The following PZP variants were observed in gnomAD, a reference collection of about 807,000 sequenced individuals.
The protein encoded by PZP is PZP alpha-2-macroglobulin like.
Under a neutral mutation model 179.8 loss-of-function variants are expected in PZP, and 150 were observed. The observed-to-expected ratio is 0.83, with a 90% CI of 0.73 to 0.96. The LOEUF is 0.96. PZP is among the 40% of genes least tolerant of loss of function. The pLI is 0.00. For synonymous variants in PZP, 624 were observed against 652.3 expected (o/e 0.96, Z 0.66); for missense variants, 1,689 against 1,764.0 (o/e 0.96, Z 0.76).
chr12:9,178,611 A>G (rs1038630679), intron 15 of PZP, among the ~76,000 whole-genome samples: 6 of 152,230 alleles, frequency 3.9e-5, no homozygotes, highest in African/African-American at 1.4e-4. Context: ...AGAAGGAAAA[A>G]GAAAATCATG....
In PZP at chr12:9,203,858, T is replaced by TA. The variant is rs754345878; in HGVS notation, c.176dup (p.Ser60LysfsTer16). On this transcript the variant is annotated frameshift_variant, in exon 2 of 36. Coordinates refer to ENST00000261336, the MANE Select transcript of PZP (RefSeq NM_002864.3). LOFTEE classifies it high-confidence loss of function. ...CCCTGCCAGACTCCAAGGAAGCACT[T>TA]ACAGTCACTGTCTCATTCAGGTGGC... 2.4e-5 allele frequency: 38 copies of TA among 1,613,986 alleles called. No individual in the cohort carries two copies. The African/African-American group carries it at 5.1e-4, about 22-fold the overall frequency.
chr12:9,168,780 A>G (rs747679761), intron 17 of PZP, 89 bp downstream of exon 17: 2 of 967,146 alleles, frequency 2.1e-6, no homozygotes, highest in South Asian at 2.9e-5. Flanking sequence ...TATAAAGTGG[A>G]AATAGGGCTA....
the PZP span, among the ~76,000 whole-genome samples, chr12:9,142,867 G>A: frequency 6.6e-6 from 1 of 152,174 alleles, no homozygotes; most frequent in African/African-American, 2.4e-5. Flanking sequence ...TTCCCCAAAT[G>A]GGATTTGTGG....
chr12:9,200,313 C>G, intron 7 of PZP, 51 bp downstream of exon 7: 1 of 1,366,906 alleles, frequency 7.3e-7, no homozygotes, highest in Non-Finnish European at 1.0e-6. Flanking sequence ...TACATAATCC[C>G]TCAAAATTGA....
intron 21 of PZP, among the ~76,000 whole-genome samples, chr12:9,162,976 T>C (rs1175993156): frequency 6.6e-6 from 1 of 152,180 alleles, no homozygotes; most frequent in Non-Finnish European, 1.5e-5. Context: ...CTCGCCTCCA[T>C]GTGTCTATGT....
chr12:9,181,257 A>G lies in PZP; in HGVS notation c.1690-125T>C, dbSNP rs1942742375. ...ACTATGTTGGTAATGTCAGTCAGAAACCTATTTTTACAACTTTCCTTCACT... is the reference window on the plus strand; with the variant it reads ...ACTATGTTGGTAATGTCAGTCAGAAGCCTATTTTTACAACTTTCCTTCACT... On this transcript the variant is annotated intron_variant, in intron 14 of 35. Transcript: ENST00000261336. 5 of 1,212,376 alleles carry G rather than the reference A, an allele frequency of 4.1e-6. No homozygotes were observed. The South Asian group carries it at 7.4e-5, about 18-fold the overall frequency. 75.1% of individuals were successfully genotyped at this position (1,212,376 alleles called of 1,614,324 possible). A position where few individuals can be genotyped will look rare whatever the true frequency, so the allele number is the denominator to read the frequency against.
chr12:9,164,353 A>G (rs1941434265), intron 19 of PZP, 94 bp from the exon 20 acceptor site: 1 of 1,379,754 alleles, frequency 7.2e-7, no homozygotes, highest in Non-Finnish European at 9.9e-7. Context: ...GCTGCAGTAA[A>G]TTGGGATTTG....
rs1000489480 is a variant in PZP at position 9,160,970 on chromosome 12, C to T, written c.2872+63G>A. ...GAACTTGATAATTCAAATACAAATA[C>T]GTAGATAAGATGTACAGTGGCAACT... On this transcript the variant is annotated intron_variant, in intron 23 of 35. Coordinates refer to ENST00000261336, the MANE Select transcript of PZP (RefSeq NM_002864.3). 5.5e-6 allele frequency: 7 copies of T among 1,275,036 alleles called. No homozygotes were observed. The African/African-American group carries it at 7.4e-5, about 13-fold the overall frequency. The allele number at this position is 1,275,036 out of a possible 1,614,324, so 79.0% of individuals were successfully genotyped here.
chr12:9,148,426 G>A (rs144915513), downstream of PZP, among the ~76,000 whole-genome samples: 20 of 152,140 alleles, frequency 1.3e-4, no homozygotes, highest in African/African-American at 4.6e-4. Flanking sequence ...ATCCATGTTT[G>A]TAGATGGTTT....
the PZP span, among the ~76,000 whole-genome samples, chr12:9,143,220 G>T: frequency 6.6e-6 from 1 of 152,194 alleles, no homozygotes; most frequent in Non-Finnish European, 1.5e-5. Flanking sequence ...AAGATCCAAG[G>T]TGCTGTTTAA....
At chr12:9,203,717 C>G (rs1293862878) in intron 2 of PZP, 51 bp downstream of exon 2, 1 of 1,596,304 alleles carries the variant, frequency 6.3e-7, no homozygotes, top group Non-Finnish European at 8.6e-7. Context: ...ACCTATAGAG[C>G]TCAATAAAAT....
At chr12:9,169,015 T>C (rs1340528494) in intron 16 of PZP, 41 bp from the exon 17 acceptor site, 1 of 1,391,058 alleles carries the variant, frequency 7.2e-7, no homozygotes, top group East Asian at 2.3e-5. Context: ...TAAGCTTGAT[T>C]AGAATATATA....
intron 21 of PZP, 61 bp from the exon 22 acceptor site, chr12:9,162,709 A>C: frequency 7.7e-7 from 1 of 1,297,634 alleles, no homozygotes; most frequent in Non-Finnish European, 1.1e-6. Flanking sequence ...AGAGAACCAC[A>C]TGGATTCCTT....
At chr12:9,177,440 C>T in intron 15 of PZP, among the ~76,000 whole-genome samples, 1 of 152,190 alleles carries the variant, frequency 6.6e-6, no homozygotes. Flanking sequence ...CAGGGCAGGT[C>T]ACAAGCTAGA....
the PZP span, among the ~76,000 whole-genome samples, chr12:9,136,722 G>A: frequency 1.3e-5 from 2 of 151,942 alleles, no homozygotes; most frequent in East Asian, 3.9e-4. Context: ...TAGGCATCCT[G>A]ACATGTGTGA....
Position 9,192,536 on chromosome 12 carries a change from T to C in PZP, c.1458A>G (p.Leu486=), listed in dbSNP as rs371909490. The change falls in exon 12 of 36, where the codon TTA becomes TTG. Residue 486 remains leucine (L), a synonymous_variant. Transcript: ENST00000261336. ...CCAGGTAATGGAAACTGAGCTCCGA[T>C]AACTCTCCCATGGCCTGTCTATTCA... ...YTLNRQAMGE[L]SELSFHYLIM... is the part of the protein sequence containing the mutation. 2.6e-5 allele frequency: 42 copies of C among 1,613,710 alleles called. No homozygotes were observed. Among genetic ancestry groups the C allele is most frequent in the Non-Finnish European group, 3.4e-5 (40 of 1,179,708 alleles).
rs761415508 is a variant in PZP, at chr12:9,163,693, G to T, written c.2711C>A (p.Thr904Lys). ...VEVPEIKRKD[T>K]VIKTLLVEAE... Reference sequence around the variant, plus strand: ...CTCCACCAACAGGGTTTTGATGACTGTGTCTTTTCTTTTAATCTCAGGGAC... The same window carrying T: ...CTCCACCAACAGGGTTTTGATGACTTTGTCTTTTCTTTTAATCTCAGGGAC... The change falls in exon 21 of 36, where the codon ACA (threonine) becomes AAA (lysine). Residue 904 changes from threonine to lysine, a missense_variant. By Grantham distance (78) the Thr-to-Lys change is moderately conservative. Coordinates refer to ENST00000261336, the MANE Select transcript of PZP (RefSeq NM_002864.3). 2 of 1,613,872 alleles carry T rather than the reference G, an allele frequency of 1.2e-6. No individual in the cohort carries two copies. Among genetic ancestry groups the T allele is most frequent in the Non-Finnish European group, 1.7e-6 (2 of 1,179,882 alleles).
chr12:9,207,760 G>C (rs2121271699), intron 1 of PZP, among the ~76,000 whole-genome samples: 2 of 152,324 alleles, frequency 1.3e-5, no homozygotes, highest in Admixed American at 1.3e-4. Context: ...AGGTGGAAAA[G>C]AAGTCTTACA....
In PZP at chr12:9,152,204, A is replaced by C. The variant is rs1454661499; in HGVS notation, c.4212+16T>G. On this transcript the variant is annotated intron_variant, in intron 32 of 35. Transcript: ENST00000261336. The stretch of plus-strand genomic sequence containing the variant: ...ATACTTTTGTATGAAGTCTATTAGG[A>C]TTAAAATACACCTACCATTTTTACT... The C allele has an allele frequency of 2.6e-6, 4 of 1,543,714 alleles. No individual in the cohort carries two copies. Among genetic ancestry groups the C allele is most frequent in the Non-Finnish European group, 3.6e-6 (4 of 1,116,180 alleles).
Sources: gnomAD v4.1 joint callset for allele counts (sites outside exome capture counted in the v4.1 genomes callset) on GRCh38, gnomAD v4.1.1 for gene constraint, MANE v1.5 for transcripts, NCBI Gene and HGNC (gene_info 2026-07-23, HGNC 2026-07-21) for gene names.